Variants in PLCH2 observed in about 807,000 individuals in gnomAD.
The protein encoded by PLCH2 is phospholipase C eta 2, also known as 1-phosphatidylinositol 4,5-bisphosphate phosphodiesterase eta-2.
In PLCH2, 98 loss-of-function variants were observed where a neutral mutation model predicts 134.7. That is an observed-to-expected ratio of 0.73 (90% CI 0.62 to 0.86). The LOEUF is 0.86. Among genes scored for constraint, PLCH2 ranks in the 40% least tolerant of loss-of-function variants. PLCH2 has a pLI of 0.00. For synonymous variants in PLCH2, 974 were observed against 827.5 expected, an observed-to-expected ratio of 1.18 and a Z score of -3.04; for missense variants, 1,994 against 1,986.6, an observed-to-expected ratio of 1.00 and a Z score of -0.07.
chr1:2,473,833 C>G (rs993863377), upstream of PLCH2, among the ~76,000 whole-genome samples: 6 of 152,230 alleles, frequency 3.9e-5, no homozygotes, highest in Admixed American at 3.9e-4. Context: ...TATATCTGCC[C>G]GACCAGGACT....
chr1:2,491,535 C>T (rs542353334), intron 11 of PLCH2, among the ~76,000 whole-genome samples, 200 bp downstream of exon 11: 1 of 152,368 alleles, frequency 6.6e-6, no homozygotes, highest in East Asian at 1.9e-4. Flanking sequence ...GGTCTCAAAG[C>T]CCAGCCAGTC....
At chr1:2,426,644 G>A (rs1638811375) in intron 1 of PLCH2, among the ~76,000 whole-genome samples, 1 of 152,216 alleles carries the variant, frequency 6.6e-6, no homozygotes. Context: ...CGAGCTGGGC[G>A]GGCTCCACTC....
chr1:2,434,408 G>A (rs75125706), intron 2 of PLCH2, among the ~76,000 whole-genome samples: 2 of 152,246 alleles, frequency 1.3e-5, no homozygotes, highest in African/African-American at 2.4e-5. Context: ...TCTGGCAGGG[G>A]CGTATTTCCC....
intron 14 of PLCH2, 26 bp from the exon 15 acceptor site, chr1:2,496,802 C>T: frequency 1.2e-6 from 2 of 1,610,470 alleles, no homozygotes; most frequent in Non-Finnish European, 1.7e-6. Context: ...GACTGGCAGT[C>T]TGATGCCCGG....
intron 1 of PLCH2, among the ~76,000 whole-genome samples, chr1:2,428,941 G>C (rs897964505): frequency 2.0e-5 from 3 of 152,224 alleles, no homozygotes; most frequent in Non-Finnish European, 2.9e-5. Context: ...GGGAGTCCTG[G>C]GGGCCCCGGG....
intron 2 of PLCH2, among the ~76,000 whole-genome samples, chr1:2,435,780 G>A (rs1411862304): frequency 2.0e-5 from 3 of 151,606 alleles, no homozygotes; most frequent in African/African-American, 2.4e-5. Context: ...GAGCCCCTGC[G>A]ATGGGAGGCT....
chr1:2,499,689 T>G lies in PLCH2; in HGVS notation c.2630T>G (p.Val877Gly), dbSNP rs1643108342. ...GGGATGGAAGAGGCCTCCATCTTCG[T>G]GCATGTGGCTGTCAGTGACATCAGC... Reference protein sequence around the residue: ...LEGMEEASIFVHVAVSDISGK... With the variant: ...LEGMEEASIFGHVAVSDISGK... The change falls in exon 20 of 22, where the codon GTG (valine) becomes GGG (glycine). Residue 877 changes from valine to glycine, a missense_variant. By Grantham distance (109) the Val-to-Gly change is moderately radical. Coordinates refer to ENST00000378486, the MANE Select transcript of PLCH2 (RefSeq NM_014638.4). The G allele has an allele frequency of 1.9e-6, 3 of 1,596,844 alleles. No individual in the cohort carries two copies. The highest frequency in any genetic ancestry group is 2.6e-6 in the Non-Finnish European group (3 of 1,172,332).
intron 2 of PLCH2, among the ~76,000 whole-genome samples, chr1:2,456,997 C>G (rs552408535): frequency 1.3e-5 from 2 of 152,206 alleles, no homozygotes; most frequent in South Asian, 4.1e-4. Flanking sequence ...AGGGCCCCTA[C>G]CTGTCATCTC....
intron 1 of PLCH2, among the ~76,000 whole-genome samples, chr1:2,477,538 C>T (rs965307577): frequency 3.9e-5 from 6 of 152,166 alleles, no homozygotes; most frequent in African/African-American, 1.4e-4. Flanking sequence ...CTCTGGGACC[C>T]GGGCTTTCTG....
Position 2,494,578 on chromosome 1 carries a change from C to T in PLCH2, c.1660-278C>T, listed in dbSNP as rs544702745. Reference sequence around the variant, plus strand: ...CGAGTTTAAAACAACACATGAGAGACGCTGAGGCAGGTGTGAGCGAATGTT... The same window carrying T: ...CGAGTTTAAAACAACACATGAGAGATGCTGAGGCAGGTGTGAGCGAATGTT... On this transcript the variant is annotated intron_variant, in intron 11 of 21. Transcript: ENST00000378486. The T allele has an allele frequency of 1.3e-4, 70 of 558,628 alleles. No homozygotes were observed. In the Middle Eastern group the frequency reaches 1.4e-3, roughly 12 times the overall value. 34.6% of individuals were successfully genotyped at this position (558,628 alleles called of 1,614,324 possible).
chr1:2,503,904 T>TCCCCCCCCCCCCCCCCCCC lies in PLCH2; in HGVS notation c.2960-13_2960-12insCCCCCCCCCCCCCCCCCCC. ...GCTTCTCCCTCTGGCTCTCTCTCAC[T>TCCCCCCCCCCCCCCCCCCC]CCCCCACCTCCCCACAGACACCCGC... On this transcript the variant is annotated splice_polypyrimidine_tract_variant and intron_variant, in intron 21 of 21. Coordinates refer to ENST00000378486, the MANE Select transcript of PLCH2 (RefSeq NM_014638.4). 1 of 694,074 alleles carries TCCCCCCCCCCCCCCCCCCC rather than the reference T, an allele frequency of 1.4e-6. No homozygotes were observed. Among genetic ancestry groups the TCCCCCCCCCCCCCCCCCCC allele is most frequent in the Non-Finnish European group, 2.6e-6 (1 of 391,104 alleles). 43.0% of individuals were successfully genotyped at this position (694,074 alleles called of 1,614,324 possible). A position where few individuals can be genotyped will look rare whatever the true frequency, so the allele number is the denominator to read the frequency against.
chr1:2,424,149 A>G (rs185956001), upstream of PLCH2, among the ~76,000 whole-genome samples: 186 of 152,350 alleles, frequency 1.2e-3, no homozygotes, highest in Admixed American at 3.1e-3. Flanking sequence ...AAATACAATC[A>G]TTTCAGTTTA....
chr1:2,471,241 C>T (rs2100619174), intron 1 of PLCH2, among the ~76,000 whole-genome samples: 1 of 152,322 alleles, frequency 6.6e-6, no homozygotes, highest in Non-Finnish European at 1.5e-5. Context: ...GGGGACCTGG[C>T]CCTGGCTGTC....
chr1:2,499,090 A>G lies in PLCH2; in HGVS notation c.2441A>G (p.Asn814Ser). Reference sequence around the variant, plus strand: ...CCTGGCGCTGCTTCCCCAGGGTTCAACCCCACCTGGGAGGAGACCCTGGTT... The same window carrying G: ...CCTGGCGCTGCTTCCCCAGGGTTCAGCCCCACCTGGGAGGAGACCCTGGTT... ...QTRVVDDNGF[N>S]PTWEETLVFM... Residue 814 changes from asparagine (N) to serine (S), a missense_variant, in exon 19 of 22, where the codon AAC becomes AGC. Around this residue, in one of 2 missense-constraint regions of PLCH2, gnomAD observed 1,094 missense variants for 1,234.3 expected, o/e 0.89. Coordinates refer to ENST00000378486, the MANE Select transcript of PLCH2 (RefSeq NM_014638.4). The G allele has an allele frequency of 6.2e-7, 1 of 1,609,584 alleles. No individual in the cohort carries two copies. The highest frequency in any genetic ancestry group is 8.5e-7 in the Non-Finnish European group (1 of 1,178,518).
In PLCH2 at chr1:2,429,215, G is replaced by A. The variant is rs569895653; in HGVS notation, c.-177-1123G>A. 5.3e-5 allele frequency among the ~76,000 whole-genome samples: 8 copies of A among 152,288 alleles called. No homozygotes were observed. In the East Asian group the frequency reaches 1.5e-3, roughly 29 times the overall value. On this transcript the variant is annotated intron_variant, in intron 1 of 3. Coordinates refer to the PLCH2 transcript ENST00000609981. ...AGGGCCCTGGGGAGAGAGACATGCC[G>A]ACAGGAGCCTGCCCCTCCCAGCCCT...
At chr1:2,459,416 TCC>T (rs1640667487) in intron 2 of PLCH2, among the ~76,000 whole-genome samples, 4 of 83,044 alleles carry the variant, frequency 4.8e-5, no homozygotes, top group Non-Finnish European at 1.1e-4. Context: ...TTCCTGGTGG[TCC>T]TCCTTGCCGG....
intron 2 of PLCH2, among the ~76,000 whole-genome samples, chr1:2,432,041 G>A (rs1314873729): frequency 1.3e-5 from 2 of 152,146 alleles, no homozygotes; most frequent in Non-Finnish European, 2.9e-5. Flanking sequence ...GTTGGGTTTC[G>A]GGGTCCCAGA....
At chr1:2,480,962 G>C (rs1270636112) in intron 4 of PLCH2, among the ~76,000 whole-genome samples, 1 of 152,230 alleles carries the variant, frequency 6.6e-6, no homozygotes, top group Non-Finnish European at 1.5e-5. Context: ...TTGGAAAGCG[G>C]GTTCTGTGGG....
upstream of PLCH2, among the ~76,000 whole-genome samples, chr1:2,467,213 C>G (rs1641097643): frequency 6.6e-6 from 1 of 152,018 alleles, no homozygotes; most frequent in South Asian, 2.1e-4. Flanking sequence ...ACAGGATGAA[C>G]GGTGGGTGGT....
Sources: gnomAD v4.1 joint callset for allele counts (sites outside exome capture counted in the v4.1 genomes callset) on GRCh38, gnomAD v4.1.1 for gene constraint, gnomAD v4.1.1 regional missense constraint, MANE v1.5 for transcripts, NCBI Gene and HGNC (gene_info 2026-07-23, HGNC 2026-07-21) for gene names.